The following TTC28 variants were observed in gnomAD, a reference collection of about 807,000 sequenced individuals.
The protein encoded by TTC28 is tetratricopeptide repeat protein 28.
Under a neutral mutation model 198.0 loss-of-function variants are expected in TTC28, and 61 were observed. The ratio of observed to expected loss-of-function variants is 0.31; its 90% CI spans 0.25 to 0.38. TTC28 has a LOEUF of 0.38. TTC28 is among the 10% of genes least tolerant of loss of function. The pLI is 1.00. For missense variants in TTC28, 2,678 were observed against 3,164.0 expected (o/e 0.85, Z 3.69); for synonymous variants, 1,171 against 1,297.8 (o/e 0.90, Z 2.10).
At chr22:27,986,176 G>A (rs1383829112) in intron 21 of TTC28, 2 of 151,168 alleles carry the variant, frequency 1.3e-5, no homozygotes, top group East Asian at 1.9e-4. Flanking sequence ...GGGACCTGGT[G>A]GGAGGTGATT....
At chr22:28,080,537 GT>G (rs1941309264) in intron 12 of TTC28, among the ~76,000 whole-genome samples, 1 of 151,796 alleles carries the variant, frequency 6.6e-6, no homozygotes, top group Non-Finnish European at 1.5e-5. Context: ...GGATTTTGTT[GT>G]TGTTGTTGTT....
chr22:28,562,282 A>C (rs1403254471), intron 2 of TTC28, among the ~76,000 whole-genome samples: 1 of 152,214 alleles, frequency 6.6e-6, no homozygotes, highest in African/African-American at 2.4e-5. Context: ...CAATGCTTTC[A>C]ATTTCTCCAT....
chr22:28,494,985 C>G (rs4549213), intron 2 of TTC28, among the ~76,000 whole-genome samples: 1 of 151,756 alleles, frequency 6.6e-6, no homozygotes, highest in Non-Finnish European at 1.5e-5. Context: ...ATAAAAAAAA[C>G]TAACCAGAAG....
chr22:28,352,682 G>A (rs2046017935), intron 2 of TTC28, among the ~76,000 whole-genome samples: 1 of 152,042 alleles, frequency 6.6e-6, no homozygotes, highest in African/African-American at 2.4e-5. Context: ...TGCTTGGTAG[G>A]AATGAGCCAC....
intron 2 of TTC28, among the ~76,000 whole-genome samples, chr22:28,569,717 A>C (rs2050032117): frequency 6.6e-6 from 1 of 152,178 alleles, no homozygotes; most frequent in South Asian, 2.1e-4. Flanking sequence ...AGTGGGACCT[A>C]ATTAAACTAA....
At chr22:28,288,516 G>C (rs2044728746) in intron 5 of TTC28, among the ~76,000 whole-genome samples, 1 of 152,108 alleles carries the variant, frequency 6.6e-6, no homozygotes, top group Non-Finnish European at 1.5e-5. Flanking sequence ...ACACTTCAAA[G>C]AGTTATATAG....
intron 2 of TTC28, among the ~76,000 whole-genome samples, chr22:28,427,306 C>T (rs34994167): frequency 0.049 from 7,403 of 152,260 alleles, 251 homozygotes; most frequent in African/African-American, 0.091. Context: ...ATAGTCTTCT[C>T]ATTTTATTTA....
At chr22:27,988,373 C>T (rs373522501) in intron 21 of TTC28, among the ~76,000 whole-genome samples, 4 of 151,322 alleles carry the variant, frequency 2.6e-5, no homozygotes, top group African/African-American at 4.9e-5. Context: ...CAGCAACCTC[C>T]GCCTCCTGGG....
At chr22:28,675,313 G>C (rs2051964645) in intron 1 of TTC28, among the ~76,000 whole-genome samples, 1 of 152,074 alleles carries the variant, frequency 6.6e-6, no homozygotes, top group Admixed American at 6.6e-5. Flanking sequence ...AGAAAACATA[G>C]GGGTAAATCA....
At chr22:28,225,376 AG>A (rs1928239255) in intron 5 of TTC28, among the ~76,000 whole-genome samples, 1 of 146,958 alleles carries the variant, frequency 6.8e-6, no homozygotes. Flanking sequence ...GAAAAGAAGA[AG>A]AAGAAGAAGA....
intron 2 of TTC28, among the ~76,000 whole-genome samples, chr22:28,351,545 C>T (rs1480043428): frequency 2.0e-5 from 3 of 152,104 alleles, no homozygotes; most frequent in African/African-American, 4.8e-5. Context: ...GAATTCATCA[C>T]GGAGCTTTTA....
chr22:28,078,201 G>A (rs1416942969), intron 12 of TTC28, among the ~76,000 whole-genome samples: 1 of 152,180 alleles, frequency 6.6e-6, no homozygotes, highest in Non-Finnish European at 1.5e-5. Context: ...GCAGCAAGAT[G>A]CCATTAAGGA....
intron 6 of TTC28, among the ~76,000 whole-genome samples, chr22:28,116,306 G>A (rs1298537697): frequency 6.6e-6 from 1 of 152,240 alleles, no homozygotes; most frequent in East Asian, 1.9e-4. Flanking sequence ...CCCTGGGCCT[G>A]TGCCACTGTA....
intron 2 of TTC28, among the ~76,000 whole-genome samples, chr22:28,309,814 G>A (rs1670687072): frequency 6.6e-6 from 1 of 152,006 alleles, no homozygotes; most frequent in African/African-American, 2.4e-5. Context: ...GAGAAGAAAG[G>A]GCAACATGGA....
At chr22:27,992,916 C>T in intron 18 of TTC28, 3 of 567,914 alleles carry the variant, frequency 5.3e-6, no homozygotes, top group Non-Finnish European at 9.4e-6. Flanking sequence ...AGGACCCAGG[C>T]AGCACCACCC....
intron 2 of TTC28, among the ~76,000 whole-genome samples, chr22:28,522,420 G>A (rs1474876101): frequency 1.3e-5 from 2 of 151,810 alleles, no homozygotes; most frequent in Non-Finnish European, 2.9e-5. Flanking sequence ...CCCAGGAGGT[G>A]GAGGTTGCAG....
intron 2 of TTC28, among the ~76,000 whole-genome samples, chr22:28,444,149 A>G (rs549412753): frequency 6.6e-6 from 1 of 152,338 alleles, no homozygotes; most frequent in South Asian, 2.1e-4. Flanking sequence ...AAAATATTAT[A>G]TAATTCTACT....
chr22:28,569,151 C>CAAATAAAT (rs33998799), intron 2 of TTC28, among the ~76,000 whole-genome samples: 14,647 of 135,876 alleles, frequency 0.11, 896 homozygotes, highest in Admixed American at 0.16. Flanking sequence ...TGTTCTGTCT[C>CAAATAAAT]AAATAAATAA....
chr22:28,360,023 T>C lies in TTC28; in HGVS notation c.382-53380A>G, dbSNP rs112786928. 2.5e-3 allele frequency among the ~76,000 whole-genome samples: 373 copies of C among 152,180 alleles called. 2 individuals are homozygous for C. The highest frequency in any genetic ancestry group is 8.4e-3 in the African/African-American group (348 of 41,544). On this transcript the variant is annotated intron_variant, in intron 2 of 22. Coordinates refer to ENST00000397906, the MANE Select transcript of TTC28 (RefSeq NM_001145418.2). ...AAAATCAAGGCCCAGAAGTAATTTATCCAAGATGACATAGAGCTTGCAGTC... is the reference window on the plus strand; with the variant it reads ...AAAATCAAGGCCCAGAAGTAATTTACCCAAGATGACATAGAGCTTGCAGTC...
Sources: allele counts gnomAD v4.1 joint callset (sites outside exome capture counted in the v4.1 genomes callset), GRCh38; gene constraint gnomAD v4.1.1; transcripts MANE v1.5; gene names NCBI Gene and HGNC (gene_info 2026-07-23, HGNC 2026-07-21).